Variants in NBEAL1 observed in about 807,000 individuals in gnomAD.
The protein encoded by NBEAL1 is neurobeachin-like protein 1.
In NBEAL1, 273 loss-of-function variants were observed where a neutral mutation model predicts 351.3. The ratio of observed to expected loss-of-function variants is 0.78; its 90% CI spans 0.70 to 0.86. The LOEUF is 0.86. NBEAL1 is among the 40% of genes least tolerant of loss of function. The pLI is 0.00. For missense variants in NBEAL1, 2,961 were observed against 3,201.3 expected (o/e 0.92, Z 1.81); for synonymous variants, 1,050 against 1,086.4 (o/e 0.97, Z 0.66).
In NBEAL1 at chr2:203,016,341, T is replaced by C. The variant is rs1315636126; in HGVS notation, c.-44T>C. The C allele has an allele frequency of 2.2e-6, 3 of 1,387,236 alleles. No individual in the cohort carries two copies. The Admixed American group carries it at 7.1e-5, about 33-fold the overall frequency. The allele number at this position is 1,387,236 out of a possible 1,614,324, so 85.9% of individuals were successfully genotyped here. ...AATGGACATGCTGTAGTCTTGAACA[T>C]AATTTTTTTAAGGAAAACTTAAAGT... On this transcript the variant is annotated 5_prime_UTR_variant, in exon 2 of 56. Transcript: ENST00000683969.
At chr2:203,043,762 A>G (rs2061183095) in intron 3 of NBEAL1, among the ~76,000 whole-genome samples, 1 of 151,232 alleles carries the variant, frequency 6.6e-6, no homozygotes, top group Non-Finnish European at 1.5e-5. Context: ...TGAGGGGAGA[A>G]GGGAGGAATG....
intron 10 of NBEAL1, among the ~76,000 whole-genome samples, chr2:203,093,669 C>T (rs571717793): frequency 2.6e-5 from 4 of 152,084 alleles, no homozygotes; most frequent in Non-Finnish European, 4.4e-5. Context: ...GCCTGGCCAA[C>T]GTGGCGAAAC....
chr2:203,064,018 G>A (rs2061541670), intron 6 of NBEAL1, among the ~76,000 whole-genome samples: 1 of 152,094 alleles, frequency 6.6e-6, no homozygotes, highest in African/African-American at 2.4e-5. Flanking sequence ...CTAGGGGGAA[G>A]TTTTAGTTGG....
chr2:203,167,423 G>A (rs1312365056), intron 38 of NBEAL1, 63 bp downstream of exon 38: 1 of 1,461,480 alleles, frequency 6.8e-7, no homozygotes, highest in Non-Finnish European at 9.2e-7. Context: ...CAGCTAGTGA[G>A]CTCTAATGGA....
At chr2:203,057,939 G>A (rs998803160) in intron 6 of NBEAL1, among the ~76,000 whole-genome samples, 1 of 151,488 alleles carries the variant, frequency 6.6e-6, no homozygotes, top group African/African-American at 2.4e-5. Context: ...CGCCTCCCAG[G>A]TTCGAGCAGT....
chr2:203,025,428 A>C (rs2060841504), intron 2 of NBEAL1, among the ~76,000 whole-genome samples: 2 of 152,212 alleles, frequency 1.3e-5, no homozygotes, highest in South Asian at 4.1e-4. Context: ...AGTCTTGAAC[A>C]ATTATTATAT....
chr2:203,060,054 T>C (rs1460815144), intron 6 of NBEAL1, among the ~76,000 whole-genome samples: 1 of 152,188 alleles, frequency 6.6e-6, no homozygotes, highest in Non-Finnish European at 1.5e-5. Flanking sequence ...ATGGCAAATC[T>C]AAGAGAACAT....
Position 203,128,674 on chromosome 2 carries a change from T to C in NBEAL1, c.3405+737T>C, listed in dbSNP as rs368711503. The stretch of plus-strand genomic sequence containing the variant: ...GTGCAGTGGCACAATCTCGGCTCAC[T>C]GCAACCTCCGCCTCCCAGGTTCAAG... On this transcript the variant is annotated intron_variant, in intron 24 of 55. Coordinates refer to ENST00000683969, the MANE Select transcript of NBEAL1 (RefSeq NM_001378026.1). Among the ~76,000 whole-genome samples the C allele has an allele frequency of 1.7e-4, 25 of 149,970 alleles. No individual in the cohort carries two copies. In the East Asian group the frequency reaches 3.4e-3, roughly 20 times the overall value.
Position 203,090,024 on chromosome 2 carries a change from G to A in NBEAL1, c.1098+5455G>A, listed in dbSNP as rs368115255. 9.9e-5 allele frequency among the ~76,000 whole-genome samples: 15 copies of A among 152,116 alleles called. No homozygotes were observed. In the East Asian group the frequency reaches 1.3e-3, roughly 14 times the overall value. The stretch of plus-strand genomic sequence containing the variant: ...TTCTTTAACAATGAACATATCTTGC[G>A]TCTGCTATTGATGGACATAATTTTA... On this transcript the variant is annotated intron_variant, in intron 10 of 55. Transcript: ENST00000683969.
chr2:203,076,401 C>T (rs1471057721), intron 7 of NBEAL1, among the ~76,000 whole-genome samples: 8 of 150,638 alleles, frequency 5.3e-5, no homozygotes, highest in Non-Finnish European at 1.0e-4. Flanking sequence ...GGGAGAATCA[C>T]GTGAGCCCAG....
chr2:203,087,019 A>G (rs888188911), intron 10 of NBEAL1, among the ~76,000 whole-genome samples: 14 of 149,868 alleles, frequency 9.3e-5, no homozygotes, highest in African/African-American at 3.4e-4. Flanking sequence ...TCTCACTGTC[A>G]TTGCTTTATT....
intron 37 of NBEAL1, 84 bp from the exon 38 acceptor site, chr2:203,167,143 T>C: frequency 7.6e-7 from 1 of 1,308,804 alleles, no homozygotes; most frequent in Non-Finnish European, 1.0e-6. Flanking sequence ...CCTAAAACCT[T>C]TTGTCAAGAA....
chr2:203,168,550 T>G (rs1328745220), intron 38 of NBEAL1, among the ~76,000 whole-genome samples: 1 of 152,056 alleles, frequency 6.6e-6, no homozygotes, highest in Non-Finnish European at 1.5e-5. Flanking sequence ...GCTATTGCAC[T>G]CCAGCCTGGG....
At chr2:203,021,736 G>A (rs1218847704) in intron 2 of NBEAL1, among the ~76,000 whole-genome samples, 1 of 151,968 alleles carries the variant, frequency 6.6e-6, no homozygotes, top group Non-Finnish European at 1.5e-5. Flanking sequence ...AAAGTTTTGA[G>A]ACTCATATGT....
At chr2:203,020,637 T>C (rs1169416595) in intron 2 of NBEAL1, among the ~76,000 whole-genome samples, 2 of 150,932 alleles carry the variant, frequency 1.3e-5, no homozygotes, top group Non-Finnish European at 3.0e-5. Flanking sequence ...CGCCATTGCC[T>C]TCCAGCCTGG....
At chr2:203,196,653 G>A (rs2065249609) in intron 47 of NBEAL1, among the ~76,000 whole-genome samples, 1 of 152,070 alleles carries the variant, frequency 6.6e-6, no homozygotes, top group Non-Finnish European at 1.5e-5. Flanking sequence ...TCCCTATTAA[G>A]TTCTTAGAAC....
intron 6 of NBEAL1, among the ~76,000 whole-genome samples, chr2:203,066,160 G>A: frequency 6.6e-6 from 1 of 152,154 alleles, no homozygotes; most frequent in East Asian, 1.9e-4. Flanking sequence ...AATTGTAGAA[G>A]TACATTTTTA....
At position 203,217,767 on chromosome 2, in the gene NBEAL1, A is replaced by G. The variant is rs1457099673; in HGVS notation, c.*413A>G. 3 of 977,932 alleles carry G rather than the reference A, an allele frequency of 3.1e-6. No individual in the cohort carries two copies. Among genetic ancestry groups the G allele is most frequent in the Non-Finnish European group, 3.6e-6 (3 of 823,142 alleles). 60.6% of individuals were successfully genotyped at this position (977,932 alleles called of 1,614,324 possible). A position where few individuals can be genotyped will look rare whatever the true frequency, so the allele number is the denominator to read the frequency against. ...TGACCACTGTAATGAAAATATATCA[A>G]TTTATTTATGGAACTCCTGATTGGG... On this transcript the variant is annotated 3_prime_UTR_variant, in exon 56 of 56. Coordinates refer to ENST00000683969, the MANE Select transcript of NBEAL1 (RefSeq NM_001378026.1).
chr2:203,128,001 A>C, intron 24 of NBEAL1, 64 bp downstream of exon 24: 2 of 1,234,960 alleles, frequency 1.6e-6, no homozygotes, highest in African/African-American at 1.5e-5. Context: ...TCATCTTCTG[A>C]ACGTATGTTT....
Sources: allele counts gnomAD v4.1 joint callset (sites outside exome capture counted in the v4.1 genomes callset), GRCh38; gene constraint gnomAD v4.1.1; transcripts MANE v1.5; gene names NCBI Gene and HGNC (gene_info 2026-07-23, HGNC 2026-07-21).